The following WFDC1 variants were observed in gnomAD, a reference collection of about 807,000 sequenced individuals.
WFDC1 encodes the protein WAP four-disulfide core domain protein 1.
A neutral mutation model predicts 32.9 loss-of-function variants in WFDC1; 39 were observed. The ratio of observed to expected loss-of-function variants is 1.19; its 90% CI spans 0.92 to 1.55. WFDC1 has a LOEUF of 1.55. Ranked by LOEUF, WFDC1 falls within the 40% of genes most tolerant of loss-of-function variation. WFDC1 has a pLI of 0.00. For synonymous variants in WFDC1, 184 were observed against 137.4 expected (o/e 1.34, Z -2.37); for missense variants, 386 against 309.5 (o/e 1.25, Z -1.85).
chr16:84,308,335 A>G (rs1380682268), intron 1 of WFDC1, among the ~76,000 whole-genome samples: 1 of 152,222 alleles, frequency 6.6e-6, no homozygotes, highest in East Asian at 1.9e-4. Context: ...CACTGGTGAC[A>G]CCGTGTGCAA....
intron 1 of WFDC1, among the ~76,000 whole-genome samples, chr16:84,301,863 G>A (rs979813287): frequency 1.3e-5 from 2 of 152,180 alleles, no homozygotes; most frequent in Admixed American, 1.3e-4. Flanking sequence ...AATTCCAGGT[G>A]GAAATCAACG....
intron 4 of WFDC1, among the ~76,000 whole-genome samples, chr16:84,321,206 T>G (rs1908285297): frequency 6.6e-6 from 1 of 152,212 alleles, no homozygotes. Flanking sequence ...TTCTGTAAAA[T>G]GGGTTCATAA....
At chr16:84,295,818 A>G (rs1034504172) in intron 1 of WFDC1, 6 of 152,344 alleles carry the variant, frequency 3.9e-5, no homozygotes, top group Non-Finnish European at 7.3e-5. Flanking sequence ...AACCCCAGCA[A>G]TCTCATCTGC....
At chr16:84,300,862 C>G (rs1229097858) in intron 1 of WFDC1, among the ~76,000 whole-genome samples, 1 of 152,026 alleles carries the variant, frequency 6.6e-6, no homozygotes, top group African/African-American at 2.4e-5. Context: ...CACAGCTACT[C>G]AGGAGGCTGA....
intron 4 of WFDC1, among the ~76,000 whole-genome samples, chr16:84,322,713 T>G (rs1205204770): frequency 6.6e-6 from 1 of 152,194 alleles, no homozygotes; most frequent in Non-Finnish European, 1.5e-5. Context: ...AACCAGGCAT[T>G]TGAGGGGTTC....
At chr16:84,298,631 G>A (rs186166294) in intron 1 of WFDC1, among the ~76,000 whole-genome samples, 2 of 152,294 alleles carry the variant, frequency 1.3e-5, no homozygotes, top group East Asian at 3.9e-4. Context: ...AGAGCTGGTG[G>A]TTCAGTCCTG....
intron 1 of WFDC1, among the ~76,000 whole-genome samples, chr16:84,307,689 G>C (rs28435646): frequency 6.6e-6 from 1 of 152,084 alleles, no homozygotes; most frequent in African/African-American, 2.4e-5. Flanking sequence ...TAAGCTGGGC[G>C]GAAAAATAAG....
At chr16:84,307,759 G>A (rs1159403620) in intron 1 of WFDC1, among the ~76,000 whole-genome samples, 3 of 152,152 alleles carry the variant, frequency 2.0e-5, no homozygotes, top group African/African-American at 2.4e-5. Context: ...AGGCTGGGGC[G>A]CCTGTCATGT....
intron 1 of WFDC1, among the ~76,000 whole-genome samples, chr16:84,305,723 C>G (rs760210800): frequency 1.3e-5 from 2 of 152,136 alleles, no homozygotes; most frequent in African/African-American, 2.4e-5. Flanking sequence ...TAAAAGGAGC[C>G]AGGCGTGGTG....
chr16:84,318,534 G>A, intron 3 of WFDC1, 179 bp downstream of exon 3: 1 of 614,214 alleles, frequency 1.6e-6, no homozygotes, highest in South Asian at 1.8e-5. Flanking sequence ...CTGGGGGCTT[G>A]GCCAGAATCA....
chr16:84,302,606 T>C (rs79052960), intron 1 of WFDC1, among the ~76,000 whole-genome samples: 2,553 of 152,316 alleles, frequency 0.017, 29 homozygotes, highest in Non-Finnish European at 0.026. Context: ...CCTTAAATGT[T>C]TACATAAGAG....
At chr16:84,308,857 C>T (rs1004376846) in intron 1 of WFDC1, among the ~76,000 whole-genome samples, 6 of 151,888 alleles carry the variant, frequency 4.0e-5, no homozygotes, top group African/African-American at 1.4e-4. Context: ...AGATGCCAGC[C>T]TGGGTGTAGA....
At chr16:84,320,160 A>G (rs76241528) in intron 4 of WFDC1, among the ~76,000 whole-genome samples, 3,034 of 152,282 alleles carry the variant, frequency 0.02, 96 homozygotes, top group African/African-American at 0.069. Flanking sequence ...GACACATTCA[A>G]TATTTTATTA....
intron 2 of WFDC1, among the ~76,000 whole-genome samples, chr16:84,315,295 TC>T (rs1010220059): frequency 6.6e-6 from 1 of 152,176 alleles, no homozygotes; most frequent in Non-Finnish European, 1.5e-5. Flanking sequence ...TTTTAAACCC[TC>T]CATCCCTGTT....
At chr16:84,321,273 C>G (rs1204185354) in intron 4 of WFDC1, among the ~76,000 whole-genome samples, 1 of 152,128 alleles carries the variant, frequency 6.6e-6, no homozygotes, top group African/African-American at 2.4e-5. Flanking sequence ...GTAGAGTGTC[C>G]ATCAATTCAC....
At position 84,312,946 on chromosome 16, in the gene WFDC1, G is replaced by T; in HGVS notation, c.145-15G>T. Reference sequence around the variant, plus strand: ...CGCGCGCCCCAGAGCTGCTGACACCGCCCTCTCCCCGCAGGCCGAGGAGGC... The same window carrying T: ...CGCGCGCCCCAGAGCTGCTGACACCTCCCTCTCCCCGCAGGCCGAGGAGGC... On this transcript the variant is annotated splice_polypyrimidine_tract_variant and intron_variant, in intron 1 of 6. Transcript: ENST00000219454. 1 of 1,152,280 alleles carries T rather than the reference G, an allele frequency of 8.7e-7. No individual in the cohort carries two copies. 71.4% of individuals were successfully genotyped at this position (1,152,280 alleles called of 1,614,324 possible). A position where few individuals can be genotyped will look rare whatever the true frequency, so the allele number is the denominator to read the frequency against.
chr16:84,314,003 T>C (rs1907803660), intron 2 of WFDC1, among the ~76,000 whole-genome samples: 1 of 151,398 alleles, frequency 6.6e-6, no homozygotes, highest in Non-Finnish European at 1.5e-5. Flanking sequence ...GGTTGTGCCA[T>C]TGCACTCCAG....
In WFDC1 at chr16:84,326,961, T is replaced by TG. The variant is rs754602277; in HGVS notation, c.*15+9dup. ...AGTAAAGCAACGGCAAGCAGGTGAGTGGGCAGAGAGCAAGAGTCATGGCCA... is the reference window on the plus strand; with the variant it reads ...AGTAAAGCAACGGCAAGCAGGTGAGTGGGGCAGAGAGCAAGAGTCATGGCCA... On this transcript the variant is annotated splice_region_variant and intron_variant, in intron 6 of 6. Coordinates refer to ENST00000219454, the MANE Select transcript of WFDC1 (RefSeq NM_021197.4). The TG allele has an allele frequency of 2.4e-5, 38 of 1,613,670 alleles. No homozygotes were observed. The South Asian group carries it at 4.0e-4, about 17-fold the overall frequency.
intron 5 of WFDC1, among the ~76,000 whole-genome samples, chr16:84,325,133 A>G (rs1322938239): frequency 2.6e-5 from 4 of 151,056 alleles, no homozygotes; most frequent in Admixed American, 2.6e-4. Flanking sequence ...CTATTCACCA[A>G]TCATCCATTC....
Sources: gnomAD v4.1 joint callset for allele counts (sites outside exome capture counted in the v4.1 genomes callset) on GRCh38, gnomAD v4.1.1 for gene constraint, MANE v1.5 for transcripts, NCBI Gene and HGNC (gene_info 2026-07-23, HGNC 2026-07-21) for gene names.